SYNE1: variants seen among roughly 807,000 people sequenced by gnomAD.
SYNE1 encodes the protein spectrin repeat containing nuclear envelope protein 1, also known as nesprin-1.
A neutral mutation model predicts 1,111.0 loss-of-function variants in SYNE1; 616 were observed. That is an observed-to-expected ratio of 0.55 (90% CI 0.52 to 0.59). The LOEUF is 0.59. SYNE1 is among the 20% of genes least tolerant of loss of function. SYNE1 has a pLI of 0.00. For missense variants in SYNE1, 10,006 were observed against 10,417.0 expected, an observed-to-expected ratio of 0.96 and a Z score of 1.72; for synonymous variants, 3,855 against 3,825.8, an observed-to-expected ratio of 1.01 and a Z score of -0.28.
At chr6:152,558,515 G>T (rs929762419) in intron 3 of SYNE1, among the ~76,000 whole-genome samples, 1 of 152,032 alleles carries the variant, frequency 6.6e-6, no homozygotes, top group Non-Finnish European at 1.5e-5. Flanking sequence ...CCATGTAAAT[G>T]GTAACCAAAG....
At chr6:152,573,792 C>T (rs548866655) in intron 3 of SYNE1, among the ~76,000 whole-genome samples, 1 of 152,064 alleles carries the variant, frequency 6.6e-6, no homozygotes, top group African/African-American at 2.4e-5. Flanking sequence ...AGAAAATGAT[C>T]AAACTAACAG....
chr6:152,567,572 A>C (rs1357268714), intron 3 of SYNE1, among the ~76,000 whole-genome samples: 1 of 152,140 alleles, frequency 6.6e-6, no homozygotes, highest in Non-Finnish European at 1.5e-5. Context: ...AGAATAAAAG[A>C]AGAACAGAGT....
chr6:152,232,282 G>A lies in SYNE1; in HGVS notation c.20713-17C>T, dbSNP rs1382404841. On this transcript the variant is annotated splice_polypyrimidine_tract_variant and intron_variant, in intron 112 of 145. Transcript: ENST00000367255. ...CATCTGGAGCTGTCCAAGTCAGGGA[G>A]AGAACCAGTCCCAAGTGTTAAAATG... The A allele has an allele frequency of 1.9e-6, 3 of 1,613,572 alleles. No individual in the cohort carries two copies. Among genetic ancestry groups the A allele is most frequent in the African/African-American group, 1.3e-5 (1 of 74,882 alleles).
At chr6:152,456,336 A>C (rs2098695803) in intron 22 of SYNE1, among the ~76,000 whole-genome samples, 1 of 152,044 alleles carries the variant, frequency 6.6e-6, no homozygotes, top group South Asian at 2.1e-4. Context: ...ATGATAGAGC[A>C]TCAAAAGTTG....
At chr6:152,362,960 A>G (rs546520398) in intron 63 of SYNE1, among the ~76,000 whole-genome samples, 7 of 151,154 alleles carry the variant, frequency 4.6e-5, no homozygotes, top group Non-Finnish European at 7.4e-5. Context: ...GGCTCACTGC[A>G]AGCTCTGCCT....
intron 3 of SYNE1, among the ~76,000 whole-genome samples, chr6:152,594,810 C>T (rs575148287): frequency 1.3e-5 from 2 of 152,136 alleles, no homozygotes; most frequent in African/African-American, 4.8e-5. Context: ...CTTTCATCCT[C>T]ATGATTTTAA....
intron 107 of SYNE1, among the ~76,000 whole-genome samples, chr6:152,241,475 G>A (rs1024918009): frequency 2.1e-5 from 3 of 141,400 alleles, no homozygotes; most frequent in South Asian, 2.3e-4. Context: ...AATTGCTTTC[G>A]TAATCATTGC....
chr6:152,531,386 A>C (rs759112361), intron 4 of SYNE1, among the ~76,000 whole-genome samples: 7 of 152,132 alleles, frequency 4.6e-5, no homozygotes, highest in Non-Finnish European at 1.0e-4. Flanking sequence ...CATGAACAGA[A>C]ATGTGTTCTA....
At chr6:152,545,665 G>T in intron 3 of SYNE1, among the ~76,000 whole-genome samples, 1 of 152,008 alleles carries the variant, frequency 6.6e-6, no homozygotes, top group East Asian at 1.9e-4. Flanking sequence ...TGCAATCTCT[G>T]GCAAAATAAA....
intron 2 of SYNE1, among the ~76,000 whole-genome samples, chr6:152,632,034 T>G (rs898193688): frequency 6.6e-6 from 1 of 152,142 alleles, no homozygotes; most frequent in Non-Finnish European, 1.5e-5. Flanking sequence ...CTCACCATTA[T>G]TTTCCACTGA....
chr6:152,347,179 T>C lies in SYNE1; in HGVS notation c.11958A>G (p.Lys3986=). The change falls in exon 73 of 146, where the codon AAA becomes AAG. Residue 3986 remains lysine, a synonymous_variant. Transcript: ENST00000367255. ...FEDRLNNLQM[K]GDTLIGQCAD... Reference sequence around the variant, plus strand: ...CACATTGGCCAATCAAAGTATCACCTTTCATTTGAAGATTGTTCAAACGGT... The same window carrying C: ...CACATTGGCCAATCAAAGTATCACCCTTCATTTGAAGATTGTTCAAACGGT... The C allele has an allele frequency of 6.2e-7, 1 of 1,614,202 alleles. No homozygotes were observed. Among genetic ancestry groups the C allele is most frequent in the Non-Finnish European group, 8.5e-7 (1 of 1,180,042 alleles).
intron 4 of SYNE1, among the ~76,000 whole-genome samples, chr6:152,536,265 C>T (rs907823235): frequency 6.0e-5 from 9 of 149,052 alleles, no homozygotes; most frequent in South Asian, 2.1e-4. Flanking sequence ...CAGATGCAGG[C>T]TCATGACCAC....
intron 139 of SYNE1, 66 bp downstream of exon 139, chr6:152,141,137 G>T: frequency 1.2e-6 from 2 of 1,609,676 alleles, no homozygotes; most frequent in Non-Finnish European, 1.7e-6. Context: ...GTGGAATTTC[G>T]CTGTTAACAA....
intron 11 of SYNE1, among the ~76,000 whole-genome samples, chr6:152,493,242 G>A (rs1309342342): frequency 6.6e-6 from 1 of 151,864 alleles, no homozygotes; most frequent in Non-Finnish European, 1.5e-5. Context: ...GCCTGTCCAG[G>A]ATCTTCACCT....
At chr6:152,397,466 C>T (rs921471104) in intron 49 of SYNE1, among the ~76,000 whole-genome samples, 4 of 152,124 alleles carry the variant, frequency 2.6e-5, no homozygotes, top group South Asian at 2.1e-4. Context: ...CCTAGCCCTG[C>T]CTCTCCCCAG....
intron 2 of SYNE1, among the ~76,000 whole-genome samples, chr6:152,634,094 G>A (rs1482194515): frequency 6.6e-6 from 1 of 152,200 alleles, no homozygotes; most frequent in Non-Finnish European, 1.5e-5. Context: ...TTGTTTGTGT[G>A]ACTAAAAAGG....
chr6:152,225,072 TAATCCTCA>T (rs1392887381), intron 116 of SYNE1, among the ~76,000 whole-genome samples: 1 of 151,482 alleles, frequency 6.6e-6, no homozygotes, highest in African/African-American at 2.4e-5. Context: ...TTAACTCATT[TAATCCTCA>T]CAACACCTTA....
At chr6:152,585,065 C>T (rs1280283009) in intron 3 of SYNE1, among the ~76,000 whole-genome samples, 2 of 152,126 alleles carry the variant, frequency 1.3e-5, no homozygotes. Flanking sequence ...GGTGGTTATC[C>T]TCATGCTATT....
At position 152,136,866 on chromosome 6, in the gene SYNE1, A is replaced by G. The variant is rs760895397; in HGVS notation, c.25459-48T>C. The G allele has an allele frequency of 3.7e-5, 59 of 1,590,458 alleles. 1 individual carries two copies. The South Asian group carries it at 5.6e-4, about 15-fold the overall frequency. ...TCAAACAAGGACAATAATGACAAAG[A>G]TATTTTCCCTTGAAAATGTTTCACA... On this transcript the variant is annotated intron_variant, in intron 140 of 145. Transcript: ENST00000367255.
Sources: gnomAD v4.1 joint callset for allele counts (sites outside exome capture counted in the v4.1 genomes callset) on GRCh38, gnomAD v4.1.1 for gene constraint, MANE v1.5 for transcripts, NCBI Gene and HGNC (gene_info 2026-07-23, HGNC 2026-07-21) for gene names.